SLC36A1: variants seen among roughly 807,000 people sequenced by gnomAD.
SLC36A1 encodes solute carrier family 36 member 1.
A neutral mutation model predicts 47.5 loss-of-function variants in SLC36A1; 30 were observed. The ratio of observed to expected loss-of-function variants is 0.63; its 90% confidence interval spans 0.47 to 0.86. The LOEUF is 0.86. Among genes scored for constraint, SLC36A1 ranks in the 40% least tolerant of loss-of-function variants. The probability of loss-of-function intolerance (pLI) is 0.00; values close to 1 mark genes in which losing one functional copy is unlikely to be tolerated. For missense variants in SLC36A1, 517 were observed against 606.0 expected, an observed-to-expected ratio of 0.85 and a Z score of 1.54; for synonymous variants, 255 against 249.7, an observed-to-expected ratio of 1.02 and a Z score of -0.20.
At chr5:151,454,646 C>T (rs552688081) in intron 1 of SLC36A1, among the ~76,000 whole-genome samples, 1 of 151,218 alleles carries the variant, frequency 6.6e-6, no homozygotes, top group African/African-American at 2.4e-5. Flanking sequence ...TGACTCTCCA[C>T]GTACTGATCC....
intron 1 of SLC36A1, among the ~76,000 whole-genome samples, chr5:151,450,207 G>T (rs952779101): frequency 1.3e-5 from 2 of 152,072 alleles, no homozygotes; most frequent in African/African-American, 4.8e-5. Flanking sequence ...TAGAGTGGAC[G>T]GAGCAGATGT....
At chr5:151,534,545 T>G in the SLC36A1 span, 1 of 1,614,150 alleles carries the variant, frequency 6.2e-7, no homozygotes, top group Non-Finnish European at 8.5e-7. Flanking sequence ...GGGTGATGTC[T>G]GCCTGGCACG....
chr5:151,421,602 T>G, the SLC36A1 span, among the ~76,000 whole-genome samples: 1 of 150,550 alleles, frequency 6.6e-6, no homozygotes, highest in Admixed American at 6.6e-5. Flanking sequence ...TTGTTGTTGT[T>G]GTTTTAGATA....
chr5:151,540,201 A>G, the SLC36A1 span, among the ~76,000 whole-genome samples: 1 of 152,320 alleles, frequency 6.6e-6, no homozygotes, highest in African/African-American at 2.4e-5. Context: ...ATGAGTCTTG[A>G]ACAGCTTGGT....
At chr5:151,500,200 A>G in the SLC36A1 span, among the ~76,000 whole-genome samples, 1 of 151,918 alleles carries the variant, frequency 6.6e-6, no homozygotes, top group Non-Finnish European at 1.5e-5. Context: ...CGTAAGGCGC[A>G]CCTCCCGAGT....
the SLC36A1 span, chr5:151,511,969 T>A: frequency 1.7e-6 from 1 of 592,998 alleles, no homozygotes; most frequent in Non-Finnish European, 3.0e-6. Context: ...AAAGATAGTT[T>A]TTGTTGAGAG....
chr5:151,358,980 CAAAAAA>C, the SLC36A1 span, among the ~76,000 whole-genome samples: 5 of 46,254 alleles, frequency 1.1e-4, no homozygotes, highest in African/African-American at 3.2e-4. Flanking sequence ...GACTCCGTCT[CAAAAAA>C]AAAAAAAAAA....
chr5:151,449,275 A>G (rs73270270), intron 1 of SLC36A1, among the ~76,000 whole-genome samples: 3,055 of 152,330 alleles, frequency 0.02, 93 homozygotes, highest in African/African-American at 0.065. Context: ...TATTTTAAAC[A>G]TGATCAGGGC....
the SLC36A1 span, chr5:151,511,947 C>T: frequency 1.7e-6 from 1 of 575,116 alleles, no homozygotes; most frequent in Non-Finnish European, 3.1e-6. Flanking sequence ...TCCCTCATCC[C>T]CCCAGAAGTA....
the SLC36A1 span, among the ~76,000 whole-genome samples, chr5:151,522,404 T>C: frequency 1.3e-5 from 2 of 152,188 alleles, no homozygotes; most frequent in South Asian, 4.1e-4. Context: ...TGGGCTAACT[T>C]CCTCATGAAG....
At chr5:151,373,715 G>T in the SLC36A1 span, among the ~76,000 whole-genome samples, 4 of 152,160 alleles carry the variant, frequency 2.6e-5, no homozygotes, top group Non-Finnish European at 4.4e-5. Flanking sequence ...AAGTATAAAA[G>T]ATAGTTTTTC....
At chr5:151,516,416 TGA>T in the SLC36A1 span, among the ~76,000 whole-genome samples, 1 of 152,106 alleles carries the variant, frequency 6.6e-6, no homozygotes, top group Non-Finnish European at 1.5e-5. Context: ...CTCCAGAGAC[TGA>T]GACACAAGAA....
In SLC36A1 at chr5:151,483,530, TA is replaced by T. The variant is rs1245074093; in HGVS notation, c.1159+4042del. ...TCTTTGTGTGTGTGGGGGGGGTGAT[TA>T]GGGGAGAGTAGGGAGAGGGCTGTTC... On this transcript the variant is annotated intron_variant, in intron 10 of 10. Coordinates refer to ENST00000243389, the MANE Select transcript of SLC36A1 (RefSeq NM_078483.4). Among the ~76,000 whole-genome samples the T allele has an allele frequency of 3.0e-5, 4 of 133,568 alleles. 1 individual carries two copies. Among genetic ancestry groups the T allele is most frequent in the Non-Finnish European group, 6.4e-5 (4 of 62,754 alleles). The allele number at this position is 133,568 out of a possible 152,430, so 87.6% of individuals were successfully genotyped here.
the SLC36A1 span, among the ~76,000 whole-genome samples, chr5:151,352,870 C>G: frequency 1.3e-5 from 2 of 152,228 alleles, no homozygotes; most frequent in African/African-American, 4.8e-5. Flanking sequence ...CTCAAGATCC[C>G]TAACTCAATC....
the SLC36A1 span, among the ~76,000 whole-genome samples, chr5:151,508,539 G>C: frequency 3.0e-3 from 450 of 152,088 alleles, 3 homozygotes; most frequent in African/African-American, 0.01. Context: ...GTGAAACCCC[G>C]TATCTACTAA....
chr5:151,433,680 T>A (rs528320692), upstream of SLC36A1, among the ~76,000 whole-genome samples: 3 of 152,120 alleles, frequency 2.0e-5, no homozygotes, highest in East Asian at 5.8e-4. Context: ...CTCAGCCAGG[T>A]GAAGACAGGA....
At chr5:151,392,071 A>C in the SLC36A1 span, among the ~76,000 whole-genome samples, 2 of 152,140 alleles carry the variant, frequency 1.3e-5, no homozygotes, top group African/African-American at 4.8e-5. Flanking sequence ...TTATTGCCTC[A>C]ATTTCAGAGC....
chr5:151,510,391 A>G, the SLC36A1 span: 1 of 526,718 alleles, frequency 1.9e-6, no homozygotes, highest in South Asian at 2.4e-5. Flanking sequence ...ACCAGAGACA[A>G]CAGTCACCTA....
At chr5:151,521,303 G>A in the SLC36A1 span, 3 of 1,611,330 alleles carry the variant, frequency 1.9e-6, no homozygotes, top group East Asian at 6.7e-5. Flanking sequence ...CTCTGCAGGT[G>A]GTGCCGCGGG....
Sources: gnomAD v4.1 joint callset for allele counts (sites outside exome capture counted in the v4.1 genomes callset) on GRCh38, gnomAD v4.1.1 for gene constraint, MANE v1.5 for transcripts, NCBI Gene and HGNC (gene_info 2026-07-23, HGNC 2026-07-21) for gene names.